NEK7: variants seen among roughly 807,000 people sequenced by gnomAD.
The protein encoded by NEK7 is NIMA related kinase 7, also known as serine/threonine-protein kinase Nek7.
NEK7 carries 18 observed loss-of-function variants against 44.6 expected under a neutral mutation model. The observed-to-expected ratio is 0.40, with a 90% CI of 0.28 to 0.60. The LOEUF is 0.60. Among genes scored for constraint, NEK7 ranks in the 20% least tolerant of loss-of-function variants. NEK7 has a pLI of 0.38. For missense variants in NEK7, 256 were observed against 366.5 expected, an observed-to-expected ratio of 0.70 and a Z score of 2.46; for synonymous variants, 130 against 121.1, an observed-to-expected ratio of 1.07 and a Z score of -0.48.
chr1:198,307,117 T>C (rs1253278487), intron 9 of NEK7, among the ~76,000 whole-genome samples: 1 of 152,146 alleles, frequency 6.6e-6, no homozygotes, highest in Non-Finnish European at 1.5e-5. Context: ...GATTCTCATT[T>C]AGTTATTGCT....
In NEK7 at chr1:198,288,140, T is replaced by C. The variant is rs1483846792; in HGVS notation, c.590-4805T>C. 2.7e-4 allele frequency among the ~76,000 whole-genome samples: 41 copies of C among 152,244 alleles called. 1 individual carries two copies. Among genetic ancestry groups the C allele is most frequent in the Admixed American group, 2.7e-3 (41 of 15,280 alleles). ...CTTTCCTAGCACCTCTAGATAGATC[T>C]TTGGCTTATTCCCCTTCGTTGTTCA... On this transcript the variant is annotated intron_variant, in intron 7 of 9. Transcript: ENST00000367385.
chr1:198,281,950 A>G (rs1394692789), intron 7 of NEK7, among the ~76,000 whole-genome samples: 1 of 152,128 alleles, frequency 6.6e-6, no homozygotes, highest in African/African-American at 2.4e-5. Context: ...GACATAGCAT[A>G]GTAGTAATTC....
chr1:198,293,295 G>A (rs1298033453), intron 8 of NEK7, among the ~76,000 whole-genome samples: 1 of 151,694 alleles, frequency 6.6e-6, no homozygotes, highest in Non-Finnish European at 1.5e-5. Flanking sequence ...TTAATATAAC[G>A]CCTTTCTCTA....
intron 1 of NEK7, among the ~76,000 whole-genome samples, chr1:198,174,700 C>A (rs1213805777): frequency 6.6e-6 from 1 of 151,958 alleles, no homozygotes; most frequent in Non-Finnish European, 1.5e-5. Flanking sequence ...CAGTTTTCAG[C>A]AGCATCAAGA....
intron 1 of NEK7, among the ~76,000 whole-genome samples, chr1:198,158,135 G>T (rs1310356689): frequency 6.6e-6 from 1 of 152,174 alleles, no homozygotes; most frequent in Non-Finnish European, 1.5e-5. Flanking sequence ...GCGTACTGGG[G>T]TCGCGGAGAG....
At chr1:198,211,652 A>G (rs1665773813) in intron 1 of NEK7, among the ~76,000 whole-genome samples, 1 of 152,228 alleles carries the variant, frequency 6.6e-6, no homozygotes, top group Non-Finnish European at 1.5e-5. Context: ...TGATTGAAGA[A>G]TTTGAAAAAT....
chr1:198,196,407 C>T (rs1665238377), intron 1 of NEK7, among the ~76,000 whole-genome samples: 1 of 152,150 alleles, frequency 6.6e-6, no homozygotes, highest in South Asian at 2.1e-4. Flanking sequence ...AAAAGTTACC[C>T]AGTTTGATGC....
At chr1:198,207,887 AAAATG>A (rs956942032) in intron 1 of NEK7, among the ~76,000 whole-genome samples, 1 of 152,238 alleles carries the variant, frequency 6.6e-6, no homozygotes, top group African/African-American at 2.4e-5. Flanking sequence ...CTGAAAAATA[AAAATG>A]AAATAAAGAT....
At chr1:198,225,281 G>C (rs910548226) in intron 1 of NEK7, among the ~76,000 whole-genome samples, 1 of 150,992 alleles carries the variant, frequency 6.6e-6, no homozygotes, top group African/African-American at 2.4e-5. Context: ...TTCAGGTCTT[G>C]GAGCACTCCA....
chr1:198,247,020 T>C (rs945965479), intron 2 of NEK7, among the ~76,000 whole-genome samples: 2 of 152,214 alleles, frequency 1.3e-5, no homozygotes, highest in Admixed American at 6.5e-5. Context: ...ACGTAAAAAA[T>C]TGCCAAATAT....
intron 1 of NEK7, among the ~76,000 whole-genome samples, chr1:198,178,238 G>A (rs1055497726): frequency 2.0e-5 from 3 of 151,944 alleles, no homozygotes; most frequent in Non-Finnish European, 2.9e-5. Context: ...TTTATAAATC[G>A]ACTCAAGCCC....
At chr1:198,215,357 C>T (rs567474116) in intron 1 of NEK7, among the ~76,000 whole-genome samples, 1 of 152,300 alleles carries the variant, frequency 6.6e-6, no homozygotes, top group Admixed American at 6.5e-5. Context: ...GGTTTAAATG[C>T]TCCACATAAA....
At chr1:198,167,705 G>C (rs1327266802) in intron 1 of NEK7, among the ~76,000 whole-genome samples, 2 of 152,134 alleles carry the variant, frequency 1.3e-5, no homozygotes. Context: ...GCCACTTAGA[G>C]ATTTTGCCTC....
chr1:198,264,489 C>T (rs1653584508), intron 5 of NEK7, among the ~76,000 whole-genome samples: 1 of 151,958 alleles, frequency 6.6e-6, no homozygotes, highest in Non-Finnish European at 1.5e-5. Context: ...AGATACTTGT[C>T]TTCTGTAAGT....
At chr1:198,198,226 C>G in intron 1 of NEK7, 1 of 637,956 alleles carries the variant, frequency 1.6e-6, no homozygotes, top group South Asian at 1.6e-5. Flanking sequence ...ACCGCCTGGG[C>G]TTGATGCATT....
chr1:198,288,316 GC>G (rs1286348373), intron 7 of NEK7, among the ~76,000 whole-genome samples: 1 of 152,178 alleles, frequency 6.6e-6, no homozygotes, highest in Non-Finnish European at 1.5e-5. Flanking sequence ...TAACCTCCCA[GC>G]CGCCATAACA....
rs1008077547 is a variant in NEK7 at position 198,308,518 on chromosome 1, G to C, written c.799-10894G>C. Among the ~76,000 whole-genome samples the C allele has an allele frequency of 3.3e-5, 5 of 152,280 alleles. No individual in the cohort carries two copies. The South Asian group carries it at 6.2e-4, about 19-fold the overall frequency. On this transcript the variant is annotated intron_variant, in intron 9 of 9. Transcript: ENST00000367385. Reference sequence around the variant, plus strand: ...TTCAGATACCCTGGTGAATATTTCTGATGAATGCTATTTCTTGCCTGAAAT... The same window carrying C: ...TTCAGATACCCTGGTGAATATTTCTCATGAATGCTATTTCTTGCCTGAAAT...
chr1:198,255,890 A>G (rs1050914159), intron 3 of NEK7, among the ~76,000 whole-genome samples: 1 of 152,176 alleles, frequency 6.6e-6, no homozygotes, highest in Non-Finnish European at 1.5e-5. Flanking sequence ...CTTGTGACAT[A>G]TTACACTTGT....
At chr1:198,200,691 C>A (rs1212661980) in intron 1 of NEK7, among the ~76,000 whole-genome samples, 1 of 152,012 alleles carries the variant, frequency 6.6e-6, no homozygotes, top group Non-Finnish European at 1.5e-5. Flanking sequence ...GCTGGGACTA[C>A]AGGCATGTGC....
Sources: gnomAD v4.1 joint callset for allele counts (sites outside exome capture counted in the v4.1 genomes callset) on GRCh38, gnomAD v4.1.1 for gene constraint, MANE v1.5 for transcripts, NCBI Gene and HGNC (gene_info 2026-07-23, HGNC 2026-07-21) for gene names.